MYO10: variants seen among roughly 807,000 people sequenced by gnomAD.
MYO10 encodes unconventional myosin-X.
In MYO10, 133 loss-of-function variants were observed where a neutral mutation model predicts 257.3. The ratio of observed to expected loss-of-function variants is 0.52; its 90% CI spans 0.45 to 0.60. MYO10 has a LOEUF of 0.60. MYO10 is among the 20% of genes least tolerant of loss of function. The pLI is 0.00. For missense variants in MYO10, 2,399 were observed against 2,635.7 expected (o/e 0.91, Z 1.97); for synonymous variants, 1,104 against 1,028.6 (o/e 1.07, Z -1.40).
rs1263368912 is a variant in MYO10, at chr5:16,703,028, T to G, written c.2407A>C (p.Ile803Leu). 2.0e-5 allele frequency: 31 copies of G among 1,553,298 alleles called. No individual in the cohort carries two copies. In the Admixed American group the frequency reaches 5.9e-4, roughly 29 times the overall value. The change falls in exon 23 of 41, where the codon ATT becomes CTT. Residue 803 changes from isoleucine (I) to leucine (L), a missense_variant. This residue lies in a region of MYO10 where 1,820 missense variants were observed against 1,939.4 expected (regional missense o/e 0.94). Transcript: ENST00000513610. ...AATTGTCTGTAAACTCTCCGAGCAA[T>G]CTGACCTCTGAGTTGCTTCTGGAAA... is the stretch of plus-strand genomic sequence containing the variant. ...IVFQKQLRGQ[I>L]ARRVYRQLLA... is the part of the protein sequence containing the mutation.
intron 19 of MYO10, 73 bp from the exon 20 acceptor site, chr5:16,711,318 C>G (rs1738603686): frequency 7.5e-6 from 11 of 1,464,032 alleles, no homozygotes; most frequent in Non-Finnish European, 1.0e-5. Flanking sequence ...CTTAATAAAG[C>G]CACCTCCATC....
At chr5:16,814,134 G>A (rs1402303991) in intron 3 of MYO10, among the ~76,000 whole-genome samples, 2 of 152,134 alleles carry the variant, frequency 1.3e-5, no homozygotes, top group Admixed American at 6.5e-5. Flanking sequence ...CTACAGAACT[G>A]TAATCTTCAT....
At chr5:16,805,417 G>C (rs1560994016) in intron 3 of MYO10, among the ~76,000 whole-genome samples, 1 of 133,248 alleles carries the variant, frequency 7.5e-6, no homozygotes, top group Non-Finnish European at 1.5e-5. Context: ...AACCATCATG[G>C]CACTGCACTC....
intron 1 of MYO10, among the ~76,000 whole-genome samples, chr5:16,922,213 C>G (rs79157786): frequency 7.9e-6 from 1 of 126,072 alleles, no homozygotes; most frequent in Non-Finnish European, 1.7e-5. Flanking sequence ...GACTCCGTCT[C>G]AAAAAAAAAA....
intron 3 of MYO10, among the ~76,000 whole-genome samples, chr5:16,815,749 G>A (rs1742585507): frequency 6.6e-6 from 1 of 152,148 alleles, no homozygotes; most frequent in Non-Finnish European, 1.5e-5. Flanking sequence ...GTATTCTATG[G>A]GAAAGAGGTG....
rs1405038860 is a variant in MYO10 at position 16,818,167 on chromosome 5, C to A, written c.121G>T (p.Val41Leu). The A allele has an allele frequency of 6.5e-7, 1 of 1,542,512 alleles. No homozygotes were observed. Among genetic ancestry groups the A allele is most frequent in the Admixed American group, 1.9e-5 (1 of 53,762 alleles). Residue 41 changes from valine to leucine, a missense_variant and splice_region_variant, in exon 3 of 41, where the codon GTA (valine) becomes TTA (leucine). Coordinates refer to ENST00000513610, the MANE Select transcript of MYO10 (RefSeq NM_012334.3). ...ATTGTGCTCTGCTTGTAAGTGAATA[C>A]CTGAGGGAGGGAGAGGAATTCAATT... is the stretch of plus-strand genomic sequence containing the variant. Reference protein sequence around the residue: ...IVVFRTDYGQVFTYKQSTITH... With the variant: ...IVVFRTDYGQLFTYKQSTITH...
intron 1 of MYO10, among the ~76,000 whole-genome samples, chr5:16,889,129 T>C (rs1299125234): frequency 1.3e-5 from 2 of 150,322 alleles, no homozygotes; most frequent in African/African-American, 4.9e-5. Flanking sequence ...GGTGTGATTG[T>C]GCCTCTGCAC....
intron 19 of MYO10, among the ~76,000 whole-genome samples, chr5:16,728,357 A>T (rs1739452738): frequency 6.6e-6 from 1 of 152,050 alleles, no homozygotes; most frequent in African/African-American, 2.4e-5. Flanking sequence ...CAGGCCACAC[A>T]CCAGCTTGCA....
chr5:16,865,106 T>C (rs914799209), intron 2 of MYO10, among the ~76,000 whole-genome samples: 6 of 152,210 alleles, frequency 3.9e-5, no homozygotes, highest in Non-Finnish European at 2.9e-5. Context: ...TGCAACTGTT[T>C]TGATTGAAGT....
intron 32 of MYO10, among the ~76,000 whole-genome samples, chr5:16,680,884 A>T (rs1188611323): frequency 6.6e-6 from 1 of 151,848 alleles, no homozygotes; most frequent in African/African-American, 2.4e-5. Flanking sequence ...AGTCCTAGCT[A>T]CTCCTCGGGA....
Position 16,662,626 on chromosome 5 carries a change from C to T in MYO10, c.*4066G>A, listed in dbSNP as rs1736023180. The stretch of plus-strand genomic sequence containing the variant: ...CGTGAGCCAGCATGCCTGGCTGAAA[C>T]TATTTTTACAGAGAACTTAGGTGGT... On this transcript the variant is annotated 3_prime_UTR_variant, in exon 41 of 41. Coordinates refer to ENST00000513610, the MANE Select transcript of MYO10 (RefSeq NM_012334.3). The T allele has an allele frequency of 6.6e-6, 1 of 152,014 alleles. No homozygotes were observed. Among genetic ancestry groups the T allele is most frequent in the African/African-American group, 2.4e-5 (1 of 41,390 alleles). 9.4% of individuals were successfully genotyped at this position (152,014 alleles called of 1,614,324 possible). A position where few individuals can be genotyped will look rare whatever the true frequency, so the allele number is the denominator to read the frequency against.
chr5:16,870,782 C>T (rs1279856149), intron 2 of MYO10, among the ~76,000 whole-genome samples: 1 of 152,106 alleles, frequency 6.6e-6, no homozygotes, highest in Non-Finnish European at 1.5e-5. Flanking sequence ...ATCCCAGCTA[C>T]TCAGGAGGCT....
At chr5:16,777,301 G>A (rs1262485148) in intron 9 of MYO10, among the ~76,000 whole-genome samples, 1 of 152,190 alleles carries the variant, frequency 6.6e-6, no homozygotes, top group Non-Finnish European at 1.5e-5. Context: ...ATGGCAGGTT[G>A]TGACATCTTT....
rs756132662 is a variant in MYO10, at chr5:16,754,836, T to C, written c.1921A>G (p.Met641Val). Residue 641 changes from methionine to valine, a missense_variant, in exon 19 of 41, where the codon ATG becomes GTG. Transcript: ENST00000513610. ...PFFVRCIKPN[M>V]QKMPDQFDQA... ...ACTGTCATCAATCTTACCTTCTGCA[T>C]GTTTGGCTTGATACAGCGAACAAAG... The C allele has an allele frequency of 7.5e-6, 12 of 1,601,808 alleles. No homozygotes were observed. Among genetic ancestry groups the C allele is most frequent in the East Asian group, 2.2e-5 (1 of 44,808 alleles).
chr5:16,823,869 G>C (rs1742917719), intron 2 of MYO10, among the ~76,000 whole-genome samples: 1 of 152,094 alleles, frequency 6.6e-6, no homozygotes, highest in South Asian at 2.1e-4. Context: ...AAAATCACAA[G>C]TTGGAATAAA....
At chr5:16,679,507 G>C (rs1298433072) in intron 33 of MYO10, among the ~76,000 whole-genome samples, 1 of 145,276 alleles carries the variant, frequency 6.9e-6, no homozygotes, top group Non-Finnish European at 1.5e-5. Flanking sequence ...ATTTAACCAA[G>C]CGCTAGTTTT....
intron 2 of MYO10, among the ~76,000 whole-genome samples, chr5:16,834,027 G>A (rs1351108514): frequency 2.0e-5 from 3 of 151,940 alleles, no homozygotes; most frequent in Non-Finnish European, 4.4e-5. Flanking sequence ...CCCCCCGAAC[G>A]CCCCATTGTT....
At chr5:16,802,398 C>T (rs1198924915) in intron 3 of MYO10, among the ~76,000 whole-genome samples, 1 of 151,788 alleles carries the variant, frequency 6.6e-6, no homozygotes, top group Non-Finnish European at 1.5e-5. Context: ...GTGGCTCATG[C>T]CTGTAATCCC....
intron 1 of MYO10, among the ~76,000 whole-genome samples, chr5:16,923,663 T>TACACACACACACACACACACAC (rs60949830): frequency 2.4e-4 from 34 of 140,722 alleles, no homozygotes; most frequent in African/African-American, 7.1e-4. Flanking sequence ...AACACGCCCA[T>TACACACACACACACACACACAC]ACACACACAC....
Sources: allele counts gnomAD v4.1 joint callset (sites outside exome capture counted in the v4.1 genomes callset), GRCh38; gene constraint gnomAD v4.1.1; regional missense constraint gnomAD v4.1.1; transcripts MANE v1.5; gene names NCBI Gene and HGNC (gene_info 2026-07-23, HGNC 2026-07-21).